RNF216: variants seen among roughly 807,000 people sequenced by gnomAD.
The protein encoded by RNF216 is E3 ubiquitin-protein ligase RNF216.
In RNF216, 72 loss-of-function variants were observed where a neutral mutation model predicts 110.8. The observed-to-expected ratio is 0.65, with a 90% CI of 0.54 to 0.79. The LOEUF (loss-of-function observed/expected upper bound fraction) is 0.79. RNF216 is among the 30% of genes least tolerant of loss of function. The pLI, the probability that RNF216 is intolerant of heterozygous loss-of-function variation, is 0.00. For missense variants in RNF216, 1,342 were observed against 1,141.2 expected, an observed-to-expected ratio of 1.18 and a Z score of -2.54; for synonymous variants, 495 against 407.5, an observed-to-expected ratio of 1.21 and a Z score of -2.59.
chr7:5,748,375 G>C (rs867829885), intron 3 of RNF216, among the ~76,000 whole-genome samples: 1 of 152,084 alleles, frequency 6.6e-6, no homozygotes, highest in African/African-American at 2.4e-5. Context: ...TAAGAAACAA[G>C]CTAAATTCCA....
intron 1 of RNF216, among the ~76,000 whole-genome samples, chr7:5,776,950 AAG>A (rs1215709595): frequency 1.7e-4 from 9 of 51,904 alleles, no homozygotes; most frequent in African/African-American, 4.8e-4. Context: ...GAGAGAAAAA[AAG>A]AAAGAAAGAA....
At chr7:5,718,408 A>G (rs996226328) in intron 9 of RNF216, among the ~76,000 whole-genome samples, 5 of 152,340 alleles carry the variant, frequency 3.3e-5, no homozygotes, top group African/African-American at 9.6e-5. Flanking sequence ...AATGCGAGAA[A>G]GGGACAGCAC....
chr7:5,657,574 A>T (rs1278254743), intron 13 of RNF216, among the ~76,000 whole-genome samples: 1 of 152,074 alleles, frequency 6.6e-6, no homozygotes, highest in Admixed American at 6.6e-5. Context: ...TCTAAAAAAA[A>T]AAAATAATAA....
chr7:5,645,977 C>G (rs765747779), intron 14 of RNF216, among the ~76,000 whole-genome samples: 7 of 152,198 alleles, frequency 4.6e-5, no homozygotes, highest in Admixed American at 2.6e-4. Flanking sequence ...TTTCACCTGG[C>G]TTTCTGAGCA....
chr7:5,723,654 A>AT (rs1793580424), intron 8 of RNF216, among the ~76,000 whole-genome samples: 3 of 152,116 alleles, frequency 2.0e-5, no homozygotes, highest in African/African-American at 7.2e-5. Flanking sequence ...CTCAAAAAAA[A>AT]AAAATAAATA....
At chr7:5,767,877 G>A (rs1230915227) in intron 1 of RNF216, among the ~76,000 whole-genome samples, 1 of 152,130 alleles carries the variant, frequency 6.6e-6, no homozygotes, top group African/African-American at 2.4e-5. Flanking sequence ...GGGATTACAG[G>A]CATGAGCCAC....
At chr7:5,725,842 A>C (rs1246370320) in intron 7 of RNF216, among the ~76,000 whole-genome samples, 2 of 103,462 alleles carry the variant, frequency 1.9e-5, no homozygotes, top group African/African-American at 1.1e-4. Context: ...CAGCCTGGGC[A>C]AAAAAAAAAA....
intron 15 of RNF216, among the ~76,000 whole-genome samples, chr7:5,635,030 G>C (rs1462661722): frequency 1.3e-5 from 2 of 152,182 alleles, no homozygotes; most frequent in Non-Finnish European, 2.9e-5. Flanking sequence ...CCATGTATTT[G>C]TGGCAGGAGC....
chr7:5,761,538 A>G (rs1310397532), intron 1 of RNF216, among the ~76,000 whole-genome samples: 1 of 152,242 alleles, frequency 6.6e-6, no homozygotes, highest in South Asian at 2.1e-4. Context: ...CTACAATCCC[A>G]GCACTTTGGG....
intron 1 of RNF216, among the ~76,000 whole-genome samples, chr7:5,777,235 T>C (rs1796835772): frequency 6.6e-6 from 1 of 152,152 alleles, no homozygotes; most frequent in Admixed American, 6.6e-5. Flanking sequence ...CAGAGAAAAA[T>C]GGCCCAGGTG....
chr7:5,718,081 T>C (rs543434666), intron 9 of RNF216, among the ~76,000 whole-genome samples: 7 of 152,284 alleles, frequency 4.6e-5, no homozygotes, highest in East Asian at 1.9e-4. Flanking sequence ...ATAATGGTTA[T>C]ATATAAACAA....
intron 3 of RNF216, among the ~76,000 whole-genome samples, chr7:5,746,899 C>G (rs950613592): frequency 6.6e-6 from 1 of 152,084 alleles, no homozygotes; most frequent in South Asian, 2.1e-4. Context: ...ACGGAGAGAA[C>G]GAGATTCTTA....
At chr7:5,700,397 G>T (rs1189135253) in intron 13 of RNF216, among the ~76,000 whole-genome samples, 1 of 152,188 alleles carries the variant, frequency 6.6e-6, no homozygotes, top group Non-Finnish European at 1.5e-5. Flanking sequence ...TATTTTGTAG[G>T]TATCAATTCT....
intron 13 of RNF216, among the ~76,000 whole-genome samples, chr7:5,684,297 C>T (rs978306926): frequency 2.6e-5 from 4 of 151,864 alleles, no homozygotes; most frequent in Non-Finnish European, 4.4e-5. Context: ...TTAGTAGAGA[C>T]GGGGTTTCAC....
intron 13 of RNF216, among the ~76,000 whole-genome samples, chr7:5,657,473 A>C (rs913899596): frequency 6.6e-6 from 1 of 152,316 alleles, no homozygotes; most frequent in African/African-American, 2.4e-5. Context: ...AGGCTGAGGC[A>C]GGAGAATAGC....
intron 5 of RNF216, among the ~76,000 whole-genome samples, chr7:5,738,391 G>A (rs1263440299): frequency 1.3e-5 from 2 of 151,846 alleles, no homozygotes; most frequent in African/African-American, 4.8e-5. Context: ...TGTCTGGCCC[G>A]TATTTATCCC....
Position 5,725,414 on chromosome 7 carries a change from A to G in RNF216, c.1414T>C (p.Trp472Arg), listed in dbSNP as rs1157927233. 1 of 1,612,286 alleles carries G rather than the reference A, an allele frequency of 6.2e-7. No individual in the cohort carries two copies. Among genetic ancestry groups the G allele is most frequent in the African/African-American group, 1.3e-5 (1 of 74,846 alleles). The change falls in exon 8 of 17, where the codon TGG becomes CGG. Residue 472 changes from tryptophan to arginine, a missense_variant. Coordinates refer to ENST00000389902, the MANE Select transcript of RNF216 (RefSeq NM_207111.4). ...RKALSDAIKK[W>R]QELSPETSGK... ...CTGGTTTCTGGTGACAGCTCCTGCCATTTTTTAATGGCATCAGACAAGGCC... is the reference window on the plus strand; with the variant it reads ...CTGGTTTCTGGTGACAGCTCCTGCCGTTTTTTAATGGCATCAGACAAGGCC...
Position 5,643,864 on chromosome 7 carries a change from G to A in RNF216, c.2160-2488C>T, listed in dbSNP as rs747854176. On this transcript the variant is annotated intron_variant, in intron 14 of 16. Transcript: ENST00000389902. Reference sequence around the variant, plus strand: ...TCCTCCTTGCCCTGCAACCCACAGCGTGCTTTTGGGCTCTACAGATTGCCA... The same window carrying A: ...TCCTCCTTGCCCTGCAACCCACAGCATGCTTTTGGGCTCTACAGATTGCCA... 1.6e-4 allele frequency among the ~76,000 whole-genome samples: 25 copies of A among 152,118 alleles called. 1 individual carries two copies. The highest frequency in any genetic ancestry group is 1.4e-4 in the African/African-American group (6 of 41,424).
chr7:5,757,149 T>G (rs1388254465), intron 2 of RNF216, among the ~76,000 whole-genome samples: 2 of 152,336 alleles, frequency 1.3e-5, no homozygotes, highest in East Asian at 3.9e-4. Flanking sequence ...TCTTCTATAT[T>G]CATACAAGTG....
Sources: allele counts gnomAD v4.1 joint callset (sites outside exome capture counted in the v4.1 genomes callset), GRCh38; gene constraint gnomAD v4.1.1; transcripts MANE v1.5; gene names NCBI Gene and HGNC (gene_info 2026-07-23, HGNC 2026-07-21).